The following CELF2 variants were observed in gnomAD, a reference collection of about 807,000 sequenced individuals.
The protein encoded by CELF2 is CUGBP Elav-like family member 2, also known as CUG triplet repeat RNA-binding protein 2.
Under a neutral mutation model 62.6 loss-of-function variants are expected in CELF2, and 8 were observed. The observed-to-expected ratio is 0.13, with a 90% CI of 0.07 to 0.23. CELF2 has a LOEUF of 0.23. CELF2 is among the 10% of genes least tolerant of loss of function. The pLI, the probability that CELF2 is intolerant of heterozygous loss-of-function variation, is 1.00. For missense variants in CELF2, 333 were observed against 671.0 expected (o/e 0.50, Z 5.56); for synonymous variants, 258 against 250.0 (o/e 1.03, Z -0.30).
At chr10:11,018,342 G>C (rs561122271) in intron 1 of CELF2, among the ~76,000 whole-genome samples, 179 bp downstream of exon 1, 34 of 151,800 alleles carry the variant, frequency 2.2e-4, no homozygotes, top group African/African-American at 8.2e-4. Context: ...GGGTGCGGAC[G>C]AGCAGCGCCG....
intron 1 of CELF2, among the ~76,000 whole-genome samples, chr10:10,802,341 G>A (rs555769159): frequency 3.3e-5 from 5 of 152,202 alleles, no homozygotes; most frequent in East Asian, 1.9e-4. Context: ...GTGGTGCCAC[G>A]CACCTGTAGT....
chr10:11,258,171 G>A (rs533833595), intron 5 of CELF2, among the ~76,000 whole-genome samples: 7 of 152,228 alleles, frequency 4.6e-5, no homozygotes, highest in Non-Finnish European at 1.0e-4. Flanking sequence ...ATTTGGTGGG[G>A]GGAGGTGCAA....
intron 1 of CELF2, among the ~76,000 whole-genome samples, chr10:10,821,206 C>T (rs542070844): frequency 7.9e-5 from 12 of 152,250 alleles, no homozygotes; most frequent in African/African-American, 2.6e-4. Context: ...GTCCAAGGTA[C>T]CTCTAATATG....
At chr10:11,102,217 CT>C (rs2051882734) in intron 1 of CELF2, 1 of 152,182 alleles carries the variant, frequency 6.6e-6, no homozygotes, top group Non-Finnish European at 1.5e-5. Flanking sequence ...GTAGCAATAG[CT>C]TTTACTTAAG....
At chr10:10,590,071 G>C in the CELF2 span, among the ~76,000 whole-genome samples, 3 of 152,292 alleles carry the variant, frequency 2.0e-5, no homozygotes, top group African/African-American at 7.2e-5. Flanking sequence ...TGAGGCCACT[G>C]TCTGGGGGTT....
chr10:10,533,871 A>G, the CELF2 span, among the ~76,000 whole-genome samples: 1 of 152,230 alleles, frequency 6.6e-6, no homozygotes, highest in South Asian at 2.1e-4. Context: ...CTTGGAAGTC[A>G]CTGGCGGATA....
the CELF2 span, among the ~76,000 whole-genome samples, chr10:10,705,758 T>C: frequency 6.6e-6 from 1 of 152,216 alleles, no homozygotes; most frequent in African/African-American, 2.4e-5. Context: ...CCGGTTCATG[T>C]ATAACATTTG....
intron 9 of CELF2, among the ~76,000 whole-genome samples, chr10:11,299,826 C>T (rs1327080732): frequency 2.2e-5 from 3 of 133,372 alleles, no homozygotes; most frequent in Admixed American, 7.5e-5. Context: ...TTTTTTTTTT[C>T]GGTCCTTCTC....
At chr10:10,862,796 T>C (rs1477797415) in intron 1 of CELF2, among the ~76,000 whole-genome samples, 1 of 152,238 alleles carries the variant, frequency 6.6e-6, no homozygotes, top group African/African-American at 2.4e-5. Context: ...CTATGGAATA[T>C]CAGTAAAATT....
intron 1 of CELF2, among the ~76,000 whole-genome samples, chr10:11,090,420 C>G (rs2048010472): frequency 1.3e-5 from 2 of 152,034 alleles, no homozygotes; most frequent in South Asian, 4.2e-4. Flanking sequence ...TTATGTACTT[C>G]TTTCCCTCCT....
intron 1 of CELF2, among the ~76,000 whole-genome samples, chr10:11,062,947 C>T (rs201787626): frequency 1.3e-4 from 19 of 150,614 alleles, no homozygotes; most frequent in East Asian, 5.9e-4. Context: ...GCACCCCCCC[C>T]GCCATCAGTC....
chr10:11,034,313 A>G (rs1203423200), intron 1 of CELF2, among the ~76,000 whole-genome samples: 2 of 152,134 alleles, frequency 1.3e-5, no homozygotes, highest in Non-Finnish European at 2.9e-5. Context: ...CTTATTCTGT[A>G]GATCAGGTGA....
the CELF2 span, among the ~76,000 whole-genome samples, chr10:10,729,082 A>G: frequency 6.6e-6 from 1 of 152,220 alleles, no homozygotes; most frequent in Non-Finnish European, 1.5e-5. Flanking sequence ...ATAAAATATC[A>G]ATGACAGATG....
chr10:11,272,559 A>G (rs1463251216), intron 7 of CELF2, among the ~76,000 whole-genome samples: 1 of 152,186 alleles, frequency 6.6e-6, no homozygotes, highest in Non-Finnish European at 1.5e-5. Flanking sequence ...GCTCACAGAA[A>G]TCTCCGGCAC....
the CELF2 span, among the ~76,000 whole-genome samples, chr10:10,790,711 G>C: frequency 6.6e-6 from 1 of 152,126 alleles, no homozygotes; most frequent in African/African-American, 2.4e-5. Flanking sequence ...TAAACCTATG[G>C]CTTCTGCCTT....
At chr10:11,288,651 G>A in intron 9 of CELF2, 99 bp downstream of exon 9, 2 of 1,358,182 alleles carry the variant, frequency 1.5e-6, no homozygotes, top group Non-Finnish European at 2.0e-6. Flanking sequence ...GACGTGTCCA[G>A]GATGGAGCCG....
At chr10:11,235,845 A>G (rs2071040918) in intron 3 of CELF2, among the ~76,000 whole-genome samples, 1 of 152,304 alleles carries the variant, frequency 6.6e-6, no homozygotes, top group East Asian at 1.9e-4. Flanking sequence ...GTTTAAAAGG[A>G]AAAAAACAGA....
rs1291594456 is a variant in CELF2 at position 10,947,074 on chromosome 10, A to C, written c.89+27075A>C. The C allele has an allele frequency of 2.0e-5, 3 of 152,256 alleles. No individual in the cohort carries two copies. The allele number at this position is 152,256 out of a possible 1,614,324, so 9.4% of individuals were successfully genotyped here. A position where few individuals can be genotyped will look rare whatever the true frequency, so the allele number is the denominator to read the frequency against. On this transcript the variant is annotated intron_variant, in intron 2 of 13. Transcript: ENST00000636488. This position sits in a 1 kb window ranked among gnomAD's most constrained non-coding sequence, Gnocchi z 4.1. ...TTTTCCATTGCATAGGCATCTTTAG[A>C]ATGTGCAGTGCATGTCACAGGCAGG... is the stretch of plus-strand genomic sequence containing the variant.
chr10:11,041,184 G>A lies in CELF2; in HGVS notation c.74+23021G>A, dbSNP rs1260722828. 4.6e-5 allele frequency among the ~76,000 whole-genome samples: 7 copies of A among 152,280 alleles called. No individual in the cohort carries two copies. In the East Asian group the frequency reaches 1.2e-3, roughly 25 times the overall value. The stretch of plus-strand genomic sequence containing the variant: ...TAAAAGAGCACTAATTCCATCACGG[G>A]AGCTCCGCCCTTGTGACTACAACTC... On this transcript the variant is annotated intron_variant, in intron 1 of 12. Transcript: ENST00000633077.
Sources: gnomAD v4.1 joint callset for allele counts (sites outside exome capture counted in the v4.1 genomes callset) on GRCh38, gnomAD v4.1.1 for gene constraint, Gnocchi (gnomAD v3.1) non-coding constraint, MANE v1.5 for transcripts, NCBI Gene and HGNC (gene_info 2026-07-23, HGNC 2026-07-21) for gene names.